The following SPATS1 variants were observed in gnomAD, a reference collection of about 807,000 sequenced individuals.
SPATS1 encodes the protein spermatogenesis associated serine rich 1.
A neutral mutation model predicts 33.6 loss-of-function variants in SPATS1; 23 were observed. The ratio of observed to expected loss-of-function variants is 0.68; its 90% confidence interval spans 0.49 to 0.97. The LOEUF is 0.97. SPATS1 is among the 50% of genes least tolerant of loss of function. SPATS1 has a pLI of 0.00. For synonymous variants in SPATS1, 131 were observed against 125.6 expected (o/e 1.04, Z -0.29); for missense variants, 327 against 361.0 (o/e 0.91, Z 0.76).
intron 2 of SPATS1, among the ~76,000 whole-genome samples, chr6:44,346,299 A>T (rs1609726): frequency 0.73 from 109,913 of 149,666 alleles, 40,721 homozygotes; most frequent in Middle Eastern, 0.79. Flanking sequence ...AAACAAACCC[A>T]CAAAATAACC....
chr6:44,365,745 C>A (rs566980308), intron 5 of SPATS1, among the ~76,000 whole-genome samples: 1 of 152,144 alleles, frequency 6.6e-6, no homozygotes, highest in Non-Finnish European at 1.5e-5. Flanking sequence ...GTGAACGGTT[C>A]GCTCCCTTAT....
At position 44,370,103 on chromosome 6, in the gene SPATS1, C is replaced by A. The variant is rs763185522; in HGVS notation, c.748C>A (p.Gln250Lys). 2 of 1,611,776 alleles carry A rather than the reference C, an allele frequency of 1.2e-6. No individual in the cohort carries two copies. The highest frequency in any genetic ancestry group is 1.7e-6 in the Non-Finnish European group (2 of 1,178,332). The change falls in exon 7 of 9, where the codon CAA becomes AAA. Residue 250 changes from glutamine to lysine, a missense_variant. Gln to Lys is a moderately conservative substitution (Grantham distance 53). Coordinates refer to ENST00000674044, the MANE Select transcript of SPATS1 (RefSeq NM_001372081.1). ...DTFIPLEPLP[Q>K]IPNLPFWVKE... The stretch of plus-strand genomic sequence containing the variant: ...ATTTATTCCACTTGAGCCTCTTCCA[C>A]AAATTCCCAAGTGAGTTCTCTTGTC...
Position 44,354,037 on chromosome 6 carries a change from C to CAAAA in SPATS1, c.287+1177_287+1180dup, listed in dbSNP as rs34531075. On this transcript the variant is annotated intron_variant, in intron 3 of 8. Transcript: ENST00000674044. The stretch of plus-strand genomic sequence containing the variant: ...TGGGCGACAGAGCGAGACTTCGCCT[C>CAAAA]AAAAAAAAAAAAAAAACAAAAAAAA... Among the ~76,000 whole-genome samples the CAAAA allele has an allele frequency of 3.7e-4, 37 of 99,052 alleles. 1 individual carries two copies. Among genetic ancestry groups the CAAAA allele is most frequent in the East Asian group, 6.0e-4 (2 of 3,334 alleles). 65.0% of individuals were successfully genotyped at this position (99,052 alleles called of 152,430 possible). A position where few individuals can be genotyped will look rare whatever the true frequency, so the allele number is the denominator to read the frequency against.
chr6:44,375,424 T>C (rs1038132880), intron 7 of SPATS1, among the ~76,000 whole-genome samples: 2 of 152,142 alleles, frequency 1.3e-5, no homozygotes, highest in African/African-American at 4.8e-5. Flanking sequence ...CCTTGGGAGA[T>C]AGGACATCAG....
rs184370308 is a variant in SPATS1, at chr6:44,378,524, C to T, written c.*1461C>T. On this transcript the variant is annotated 3_prime_UTR_variant, in exon 9 of 9. Coordinates refer to ENST00000674044, the MANE Select transcript of SPATS1 (RefSeq NM_001372081.1). Reference sequence around the variant, plus strand: ...TGGTGGCTCATGCCTGTAATCCCAGCACTTTTGGAGGCCGAGGCAGGCGAA... The same window carrying T: ...TGGTGGCTCATGCCTGTAATCCCAGTACTTTTGGAGGCCGAGGCAGGCGAA... 6.6e-6 allele frequency: 1 copy of T among 152,222 alleles called. No homozygotes were observed. The highest frequency in any genetic ancestry group is 6.5e-5 in the Admixed American group (1 of 15,278). 9.4% of individuals were successfully genotyped at this position (152,222 alleles called of 1,614,324 possible). A position where few individuals can be genotyped will look rare whatever the true frequency, so the allele number is the denominator to read the frequency against.
chr6:44,361,419 G>T, intron 4 of SPATS1: 1 of 985,378 alleles, frequency 1.0e-6, no homozygotes, highest in Non-Finnish European at 1.2e-6. Flanking sequence ...TCCACTTGAG[G>T]TGCCATGTGG....
rs78015254 is a variant in SPATS1 at position 44,373,837 on chromosome 6, C to T, written c.759-2521C>T. Among the ~76,000 whole-genome samples the T allele has an allele frequency of 1.6e-3, 240 of 152,218 alleles. 1 individual carries two copies. In the East Asian group the frequency reaches 0.023, roughly 14 times the overall value. On this transcript the variant is annotated intron_variant, in intron 7 of 8. Transcript: ENST00000674044. ...AACTCAGCAGACATCCTTTGAGTACCGTTTATGCACTTAATCTACAGGAGA... is the reference window on the plus strand; with the variant it reads ...AACTCAGCAGACATCCTTTGAGTACTGTTTATGCACTTAATCTACAGGAGA...
At chr6:44,372,122 C>T (rs1201744687) in intron 7 of SPATS1, among the ~76,000 whole-genome samples, 17 of 151,022 alleles carry the variant, frequency 1.1e-4, no homozygotes, top group South Asian at 8.4e-4. Flanking sequence ...GGTGTGGTGG[C>T]GCGCACCTGT....
At chr6:44,371,451 G>A (rs1789608368) in intron 7 of SPATS1, among the ~76,000 whole-genome samples, 1 of 152,150 alleles carries the variant, frequency 6.6e-6, no homozygotes, top group African/African-American at 2.4e-5. Context: ...AAGTGACAAA[G>A]GCTTCTGTTG....
chr6:44,368,309 CA>C (rs1789368360), intron 5 of SPATS1, 69 bp from the exon 6 acceptor site: 1 of 1,504,268 alleles, frequency 6.6e-7, no homozygotes, highest in Non-Finnish European at 9.1e-7. Flanking sequence ...ATTGTCATGC[CA>C]ATACTTACAG....
At position 44,359,613 on chromosome 6, in the gene SPATS1, G is replaced by T. The variant is rs59378191; in HGVS notation, c.288-833G>T. On this transcript the variant is annotated intron_variant, in intron 3 of 8. Transcript: ENST00000674044. ...TTTTTTTGAGACAGGATCTCACTTTGTTGCCCAGGCTGGAGTGCAGTGGCG... is the reference window on the plus strand; with the variant it reads ...TTTTTTTGAGACAGGATCTCACTTTTTTGCCCAGGCTGGAGTGCAGTGGCG... 8.6e-3 allele frequency among the ~76,000 whole-genome samples: 1,302 copies of T among 151,896 alleles called. 19 individuals are homozygous for T. The highest frequency in any genetic ancestry group is 0.03 in the African/African-American group (1,226 of 41,416).
rs760505431 is a variant in SPATS1 at position 44,360,548 on chromosome 6, C to T, written c.390C>T (p.Phe130=). 1.9e-5 allele frequency: 31 copies of T among 1,614,060 alleles called. No individual in the cohort carries two copies. The highest frequency in any genetic ancestry group is 4.2e-6 in the Non-Finnish European group (5 of 1,180,042). ...EVQKDKYPEE[F]SLLKLQTKDG... ...AAAAGGATAAATATCCTGAGGAATT[C>T]AGCCTGCTTAAGTTGCAGACGAGTA... Residue 130 remains phenylalanine (F), a synonymous_variant, in exon 4 of 9, where the codon TTC becomes TTT. Transcript: ENST00000674044.
rs1167909208 is a variant in SPATS1, at chr6:44,361,998, G to T, written c.574+6G>T. 12 of 1,614,184 alleles carry T rather than the reference G, an allele frequency of 7.4e-6. No individual in the cohort carries two copies. The highest frequency in any genetic ancestry group is 1.0e-5 in the Non-Finnish European group (12 of 1,180,018). ...CTTTGGGAGAAAGAAATACGGTGATGTTTCCTTCTGGGTCTTGACTGTGCA... is the reference window on the plus strand; with the variant it reads ...CTTTGGGAGAAAGAAATACGGTGATTTTTCCTTCTGGGTCTTGACTGTGCA... On this transcript the variant is annotated splice_donor_region_variant and intron_variant, in intron 5 of 8. Coordinates refer to ENST00000674044, the MANE Select transcript of SPATS1 (RefSeq NM_001372081.1).
intron 5 of SPATS1, among the ~76,000 whole-genome samples, chr6:44,367,008 A>T (rs1167088690): frequency 1.3e-5 from 2 of 152,164 alleles, no homozygotes; most frequent in African/African-American, 2.4e-5. Flanking sequence ...AACTCTTCCC[A>T]CCACCTCTTG....
intron 3 of SPATS1, among the ~76,000 whole-genome samples, chr6:44,357,444 G>A (rs540459495): frequency 1.1e-4 from 17 of 152,054 alleles, no homozygotes; most frequent in South Asian, 6.2e-4. Flanking sequence ...GTCCATTGGC[G>A]CCATCTCGGC....
chr6:44,362,523 AGACT>A (rs1460412342), intron 5 of SPATS1, among the ~76,000 whole-genome samples: 1 of 152,204 alleles, frequency 6.6e-6, no homozygotes, highest in African/African-American at 2.4e-5. Flanking sequence ...TACTCATAAT[AGACT>A]TACCGAAAGA....
chr6:44,350,725 T>A (rs1276995255), intron 2 of SPATS1, among the ~76,000 whole-genome samples: 1 of 152,212 alleles, frequency 6.6e-6, no homozygotes, highest in African/African-American at 2.4e-5. Context: ...TGAGTAGCAG[T>A]CCTGCTGATA....
intron 4 of SPATS1, 50 bp downstream of exon 4, chr6:44,360,620 G>C (rs1788857834): frequency 6.2e-7 from 1 of 1,607,650 alleles, no homozygotes; most frequent in Non-Finnish European, 8.5e-7. Context: ...GGTCTTTTCA[G>C]AAGTCTGCCA....
rs1028886748 is a variant in SPATS1, at chr6:44,379,754, T to C, written c.*2691T>C. Among the ~76,000 whole-genome samples, 1 of 151,244 alleles carries C rather than the reference T, an allele frequency of 6.6e-6. No homozygotes were observed. The highest frequency in any genetic ancestry group is 6.6e-5 in the Admixed American group (1 of 15,214). The stretch of plus-strand genomic sequence containing the variant: ...AAGTAGATATGATTTGATTCCTTTT[T>C]CTTTTAATCCAGGCCGCAAAAACCA... On this transcript the variant is annotated 3_prime_UTR_variant, in exon 9 of 9. Coordinates refer to ENST00000674044, the MANE Select transcript of SPATS1 (RefSeq NM_001372081.1).
Sources: gnomAD v4.1 joint callset for allele counts (sites outside exome capture counted in the v4.1 genomes callset) on GRCh38, gnomAD v4.1.1 for gene constraint, MANE v1.5 for transcripts, NCBI Gene and HGNC (gene_info 2026-07-23, HGNC 2026-07-21) for gene names.